The following CYP4Z1 variants were observed in gnomAD, a reference collection of about 807,000 sequenced individuals.
CYP4Z1 encodes cytochrome P450 4Z1.
A neutral mutation model predicts 54.2 loss-of-function variants in CYP4Z1; 41 were observed. The observed-to-expected ratio is 0.76, with a 90% CI of 0.59 to 0.98. The LOEUF is 0.98. Among genes scored for constraint, CYP4Z1 ranks in the 50% least tolerant of loss-of-function variants. The pLI, the probability that CYP4Z1 is intolerant of heterozygous loss-of-function variation, is 0.00. For synonymous variants in CYP4Z1, 163 were observed against 206.2 expected (o/e 0.79, Z 1.79); for missense variants, 513 against 599.0 (o/e 0.86, Z 1.50).
the CYP4Z1 span, among the ~76,000 whole-genome samples, chr1:47,056,757 TG>T: frequency 1.3e-5 from 2 of 152,196 alleles, no homozygotes; most frequent in Admixed American, 1.3e-4. Context: ...GCCTTTTTTT[TG>T]TTTTCCATTT....
At chr1:47,107,793 T>C (rs1033311398) in intron 9 of CYP4Z1, among the ~76,000 whole-genome samples, 1 of 152,172 alleles carries the variant, frequency 6.6e-6, no homozygotes, top group Admixed American at 6.6e-5. Context: ...AATGTGAGAA[T>C]CAGCATGCCT....
rs1644460430 is a variant in CYP4Z1, at chr1:47,067,677, G to A, written c.177+10G>A. On this transcript the variant is annotated intron_variant, in intron 1 of 11. Coordinates refer to ENST00000334194, the MANE Select transcript of CYP4Z1 (RefSeq NM_178134.3). ...CTATGGCCACAAGGAGGTAAGAGGA[G>A]AAAATTAGTTGGGGAGGTTAAGGGA... The A allele has an allele frequency of 6.3e-7, 1 of 1,586,692 alleles. No homozygotes were observed. The highest frequency in any genetic ancestry group is 1.3e-5 in the African/African-American group (1 of 74,270).
At chr1:47,089,325 A>C (rs540062338) in intron 6 of CYP4Z1, among the ~76,000 whole-genome samples, 2 of 150,810 alleles carry the variant, frequency 1.3e-5, no homozygotes, top group African/African-American at 4.9e-5. Flanking sequence ...TTTTTTAATA[A>C]TTTTTTTTTA....
rs766602882 is a variant in CYP4Z1 at position 47,106,219 on chromosome 1, G to A, written c.1159G>A (p.Asp387Asn). 91 of 1,613,076 alleles carry A rather than the reference G, an allele frequency of 5.6e-5. No individual in the cohort carries two copies. Among genetic ancestry groups the A allele is most frequent in the Non-Finnish European group, 6.9e-5 (81 of 1,179,842 alleles). The change falls in exon 9 of 12, where the codon GAC (aspartate) becomes AAC (asparagine). Residue 387 changes from aspartate (D) to asparagine (N), a missense_variant. Asp to Asn is a conservative substitution (Grantham distance 23, BLOSUM62 1). Transcript: ENST00000334194. ...GGTAGTAAACATATCCCGGTTACTC[G>A]ACAAACCCATCACCTTTCCAGATGG... ...APVVNISRLL[D>N]KPITFPDGRS...
Position 47,104,761 on chromosome 1 carries a change from G to A in CYP4Z1, c.1068-1367G>A, listed in dbSNP as rs1469591540. ...GTACTGGGAGGAGTGGAGCCAGCCT[G>A]AGCAGATCTGCCCTCAGACCCCCTA... On this transcript the variant is annotated intron_variant, in intron 8 of 11. Transcript: ENST00000334194. Among the ~76,000 whole-genome samples the A allele has an allele frequency of 2.6e-5, 4 of 152,242 alleles. No homozygotes were observed. The South Asian group carries it at 6.2e-4, about 24-fold the overall frequency.
At chr1:47,109,215 AAGAG>A (rs1159127922) in intron 9 of CYP4Z1, among the ~76,000 whole-genome samples, 5 of 152,198 alleles carry the variant, frequency 3.3e-5, no homozygotes, top group Admixed American at 2.0e-4. Context: ...AACAAACAAA[AAGAG>A]AGAGAGAGAT....
chr1:47,099,392 T>C (rs1644704013), intron 8 of CYP4Z1, 108 bp downstream of exon 8: 2 of 1,107,558 alleles, frequency 1.8e-6, no homozygotes, highest in Non-Finnish European at 2.5e-6. Context: ...CTGTATGCAT[T>C]TGGAAAGGTA....
intron 9 of CYP4Z1, among the ~76,000 whole-genome samples, chr1:47,112,466 A>G (rs1644798290): frequency 1.3e-5 from 2 of 152,232 alleles, no homozygotes; most frequent in African/African-American, 2.4e-5. Context: ...TGTCCAGAGC[A>G]TAGAAAAATA....
chr1:47,084,724 G>A lies in CYP4Z1; in HGVS notation c.597G>A (p.Gln199=). Reference sequence around the variant, plus strand: ...TCATGAAGTGTGCCTTCAGCCACCAGGGCAGCATCCAGTTGGACAGGTCAG... The same window carrying A: ...TCATGAAGTGTGCCTTCAGCCACCAAGGCAGCATCCAGTTGGACAGGTCAG... The part of the protein sequence containing the change: ...DSIMKCAFSH[Q]GSIQLDSTLD... Residue 199 remains glutamine, a synonymous_variant, in exon 5 of 12, where the codon CAG becomes CAA. Coordinates refer to ENST00000334194, the MANE Select transcript of CYP4Z1 (RefSeq NM_178134.3). 1.2e-6 allele frequency: 2 copies of A among 1,613,088 alleles called. No individual in the cohort carries two copies. Among genetic ancestry groups the A allele is most frequent in the Non-Finnish European group, 1.7e-6 (2 of 1,179,794 alleles).
At chr1:47,101,542 G>A (rs1482773906) in intron 8 of CYP4Z1, among the ~76,000 whole-genome samples, 1 of 151,992 alleles carries the variant, frequency 6.6e-6, no homozygotes, top group Non-Finnish European at 1.5e-5. Flanking sequence ...GAATTTCCAT[G>A]TATTTGTACA....
At chr1:47,110,633 T>A (rs1644786562) in intron 9 of CYP4Z1, among the ~76,000 whole-genome samples, 1 of 152,176 alleles carries the variant, frequency 6.6e-6, no homozygotes, top group Admixed American at 6.6e-5. Flanking sequence ...GAATCATACT[T>A]CTTAGGTATT....
intron 9 of CYP4Z1, among the ~76,000 whole-genome samples, chr1:47,107,696 T>G (rs1198456730): frequency 6.6e-6 from 1 of 152,088 alleles, no homozygotes; most frequent in Non-Finnish European, 1.5e-5. Flanking sequence ...AGAAAATTAT[T>G]TTCTCTACTT....
intron 7 of CYP4Z1, chr1:47,096,629 CTTT>C (rs35869199): frequency 4.1e-4 from 50 of 121,168 alleles, no homozygotes; most frequent in Middle Eastern, 4.5e-3. Context: ...ATTTGCTCTT[CTTT>C]TTTTTTTTTT....
intron 8 of CYP4Z1, among the ~76,000 whole-genome samples, chr1:47,101,578 A>C (rs2148537665): frequency 6.6e-6 from 1 of 151,974 alleles, no homozygotes; most frequent in East Asian, 1.9e-4. Flanking sequence ...CTTATTATTG[A>C]TTTCTAATTT....
At chr1:47,068,155 T>G (rs1644463860) in intron 1 of CYP4Z1, among the ~76,000 whole-genome samples, 1 of 152,214 alleles carries the variant, frequency 6.6e-6, no homozygotes, top group African/African-American at 2.4e-5. Flanking sequence ...TGGAGGCAGA[T>G]AAAGCATGAG....
chr1:47,060,877 A>C, the CYP4Z1 span, among the ~76,000 whole-genome samples: 9 of 152,342 alleles, frequency 5.9e-5, no homozygotes, highest in Admixed American at 5.9e-4. Context: ...GTGCAATAAA[A>C]ATAGAAGTCA....
chr1:47,076,844 C>CAAAAAAAAAAAAAAAAAAAAAAAAAA (rs59854360), intron 2 of CYP4Z1, among the ~76,000 whole-genome samples: 59 of 81,392 alleles, frequency 7.2e-4, no homozygotes, highest in East Asian at 2.1e-3. Context: ...GACGCTGTCT[C>CAAAAAAAAAAAAAAAAAAAAAAAAAA]AAAAAAAAAA....
chr1:47,112,981 C>T (rs931751425), intron 9 of CYP4Z1, among the ~76,000 whole-genome samples: 1 of 151,826 alleles, frequency 6.6e-6, no homozygotes, highest in Non-Finnish European at 1.5e-5. Context: ...AATACAATCT[C>T]CCAAGTAGCT....
chr1:47,062,437 G>C (rs1034496667), upstream of CYP4Z1, among the ~76,000 whole-genome samples: 31 of 152,278 alleles, frequency 2.0e-4, no homozygotes, highest in Non-Finnish European at 3.5e-4. Context: ...TCGTGGTCTG[G>C]AGCAAGTTCT....
Sources: allele counts gnomAD v4.1 joint callset (sites outside exome capture counted in the v4.1 genomes callset), GRCh38; gene constraint gnomAD v4.1.1; transcripts MANE v1.5; gene names NCBI Gene and HGNC (gene_info 2026-07-23, HGNC 2026-07-21).